Variants in TIMP3 observed in about 807,000 individuals in gnomAD.
The protein encoded by TIMP3 is TIMP metallopeptidase inhibitor 3, also known as metalloproteinase inhibitor 3.
Under a neutral mutation model 30.0 loss-of-function variants are expected in TIMP3, and 11 were observed. That is an observed-to-expected ratio of 0.37 (90% CI 0.23 to 0.61). The LOEUF is 0.61. TIMP3 is among the 20% of genes least tolerant of loss of function. The pLI, the probability that TIMP3 is intolerant of heterozygous loss-of-function variation, is 0.70. For synonymous variants in TIMP3, 112 were observed against 111.3 expected (o/e 1.01, Z -0.04); for missense variants, 181 against 276.8 (o/e 0.65, Z 2.45).
chr22:32,819,767 A>G (rs1254887449), intron 1 of TIMP3, among the ~76,000 whole-genome samples: 2 of 152,216 alleles, frequency 1.3e-5, no homozygotes, highest in Non-Finnish European at 2.9e-5. Context: ...ATTCTGAAAC[A>G]GCAAACTTGC....
intron 1 of TIMP3, among the ~76,000 whole-genome samples, chr22:32,807,355 A>AATATATAAAT (rs1555968073): frequency 5.0e-5 from 1 of 19,912 alleles, no homozygotes; most frequent in African/African-American, 1.5e-4. Flanking sequence ...ATAAATATAT[A>AATATATAAAT]ATATATAATA....
intron 1 of TIMP3, among the ~76,000 whole-genome samples, chr22:32,815,705 C>CT (rs989581502): frequency 2.1e-4 from 32 of 152,234 alleles, no homozygotes; most frequent in African/African-American, 7.7e-4. Context: ...CCTTGTCCTC[C>CT]TCATTCCACT....
chr22:32,832,276 C>T (rs1601485789), intron 1 of TIMP3, among the ~76,000 whole-genome samples: 2 of 151,602 alleles, frequency 1.3e-5, no homozygotes, highest in South Asian at 2.1e-4. Context: ...ACCACTACAA[C>T]GAAGAGAAAG....
chr22:32,829,995 G>C (rs1462719274), intron 1 of TIMP3, among the ~76,000 whole-genome samples: 1 of 152,190 alleles, frequency 6.6e-6, no homozygotes, highest in Non-Finnish European at 1.5e-5. Flanking sequence ...CACTTGGACT[G>C]ATACCAGTCA....
At chr22:32,812,790 C>T (rs528262043) in intron 1 of TIMP3, among the ~76,000 whole-genome samples, 1 of 152,316 alleles carries the variant, frequency 6.6e-6, no homozygotes, top group South Asian at 2.1e-4. Context: ...CAAACGTGTG[C>T]CCCATTGGGC....
At chr22:32,825,340 A>T (rs2047369969) in intron 1 of TIMP3, among the ~76,000 whole-genome samples, 1 of 152,160 alleles carries the variant, frequency 6.6e-6, no homozygotes, top group Non-Finnish European at 1.5e-5. Context: ...GATCCAGAGG[A>T]AATAATCAGG....
intron 1 of TIMP3, among the ~76,000 whole-genome samples, chr22:32,840,199 G>T (rs1436195348): frequency 6.6e-6 from 1 of 152,112 alleles, no homozygotes; most frequent in Non-Finnish European, 1.5e-5. Context: ...GTGTCTTTGG[G>T]TTTATTTTTA....
Position 32,849,548 on chromosome 22 carries a change from T to C in TIMP3, c.204+14T>C, listed in dbSNP as rs1186042794. 2.5e-5 allele frequency: 40 copies of C among 1,611,174 alleles called. No homozygotes were observed. The highest frequency in any genetic ancestry group is 3.4e-5 in the Non-Finnish European group (40 of 1,178,598). Reference sequence around the variant, plus strand: ...AAGCAGATGAAGGTAGGTAATGTCATCACCCTGGCTCCGGGAAGGTTTTTG... The same window carrying C: ...AAGCAGATGAAGGTAGGTAATGTCACCACCCTGGCTCCGGGAAGGTTTTTG... On this transcript the variant is annotated intron_variant, in intron 2 of 4. Coordinates refer to ENST00000266085, the MANE Select transcript of TIMP3 (RefSeq NM_000362.5).
chr22:32,850,604 A>G lies in TIMP3; in HGVS notation c.204+1070A>G, dbSNP rs567720250. Among the ~76,000 whole-genome samples, 5 of 152,286 alleles carry G rather than the reference A, an allele frequency of 3.3e-5. No individual in the cohort carries two copies. The South Asian group carries it at 1.0e-3, about 32-fold the overall frequency. On this transcript the variant is annotated intron_variant, in intron 2 of 4. Transcript: ENST00000266085. The stretch of plus-strand genomic sequence containing the variant: ...GTTTCCATCTTTAGGAACTAGAGTC[A>G]GGTTGGGAGAGAAGAGGCAGGTATG...
Position 32,859,447 on chromosome 22 carries a change from AGAT to A in TIMP3, c.*76_*78del, listed in dbSNP as rs1298214430. On this transcript the variant is annotated 3_prime_UTR_variant, in exon 5 of 5. Coordinates refer to ENST00000266085, the MANE Select transcript of TIMP3 (RefSeq NM_000362.5). ...CTTCCCTTGGACACTAACTCTTCCCAGATGATGACAATGAAATTAGTGCCTGTT... is the reference window on the plus strand; with the variant it reads ...CTTCCCTTGGACACTAACTCTTCCCAGATGACAATGAAATTAGTGCCTGTT... 3 of 1,527,840 alleles carry A rather than the reference AGAT, an allele frequency of 2.0e-6. No individual in the cohort carries two copies. Among genetic ancestry groups the A allele is most frequent in the Non-Finnish European group, 2.6e-6 (3 of 1,136,980 alleles). 94.6% of individuals were successfully genotyped at this position (1,527,840 alleles called of 1,614,324 possible). A position where few individuals can be genotyped will look rare whatever the true frequency, so the allele number is the denominator to read the frequency against.
intron 1 of TIMP3, among the ~76,000 whole-genome samples, chr22:32,814,181 A>AAAAG (rs148074968): frequency 2.6e-4 from 29 of 109,818 alleles, no homozygotes; most frequent in Non-Finnish European, 3.8e-4. Context: ...AGAAAGAAAG[A>AAAAG]AAAGAAAGAA....
At chr22:32,851,753 G>T (rs2048224129) in intron 2 of TIMP3, among the ~76,000 whole-genome samples, 1 of 152,014 alleles carries the variant, frequency 6.6e-6, no homozygotes, top group Admixed American at 6.6e-5. Context: ...AAATCTCCCT[G>T]CCATCTTAAT....
rs1425006581 is a variant in TIMP3 at position 32,814,234 on chromosome 22, AAAG to A, written c.121+12115_121+12117del. On this transcript the variant is annotated intron_variant, in intron 1 of 4. Transcript: ENST00000266085. ...ACAAAGAAAGGAAAGAAAGAAAAAA[AAAG>A]AAAGAAAGAAGGAAAGAAAGAAAGA... 8.9e-3 allele frequency among the ~76,000 whole-genome samples: 1,310 copies of A among 146,702 alleles called. 23 individuals are homozygous for A. The highest frequency in any genetic ancestry group is 0.03 in the African/African-American group (1,203 of 40,002).
intron 1 of TIMP3, among the ~76,000 whole-genome samples, chr22:32,848,830 CTCCCAATTGCTCCTTCTTCTAACCACA>C (rs1293080985): frequency 6.6e-6 from 1 of 152,182 alleles, no homozygotes; most frequent in Non-Finnish European, 1.5e-5. Flanking sequence ...TGAGCCCCGA[CTCCCAATTGCTCCTTCTTCTAACCACA>C]TCCCCATAGA....
intron 2 of TIMP3, among the ~76,000 whole-genome samples, chr22:32,854,790 G>T (rs921564061): frequency 1.3e-5 from 2 of 152,186 alleles, no homozygotes; most frequent in African/African-American, 4.8e-5. Context: ...CAGTTGGCAA[G>T]CCTTGGGGGA....
At chr22:32,840,224 T>G (rs561947467) in intron 1 of TIMP3, among the ~76,000 whole-genome samples, 2 of 152,304 alleles carry the variant, frequency 1.3e-5, no homozygotes, top group South Asian at 4.1e-4. Context: ...CAGGCATTCA[T>G]TTCTTGCCAA....
chr22:32,831,341 G>A (rs904179521), intron 1 of TIMP3, among the ~76,000 whole-genome samples: 1 of 152,204 alleles, frequency 6.6e-6, no homozygotes, highest in Non-Finnish European at 1.5e-5. Flanking sequence ...GAGAAGAGGT[G>A]AATTGTTTAA....
In TIMP3 at chr22:32,859,187, C is replaced by T; in HGVS notation, c.446C>T (p.Ser149Phe). 1.2e-6 allele frequency: 2 copies of T among 1,614,194 alleles called. No homozygotes were observed. The highest frequency in any genetic ancestry group is 1.7e-6 in the Non-Finnish European group (2 of 1,180,046). ...YHLGCNCKIK[S>F]CYYLPCFVTS... ...CCTGTTATCTAATTGCAGATCAAGT[C>T]CTGCTACTACCTGCCTTGCTTTGTG... Residue 149 changes from serine (S) to phenylalanine (F), a missense_variant, in exon 5 of 5, where the codon TCC becomes TTC. Coordinates refer to ENST00000266085, the MANE Select transcript of TIMP3 (RefSeq NM_000362.5).
chr22:32,814,751 A>G (rs998217399), intron 1 of TIMP3, among the ~76,000 whole-genome samples: 3 of 152,164 alleles, frequency 2.0e-5, no homozygotes, highest in Non-Finnish European at 4.4e-5. Flanking sequence ...TCCCTCTGAG[A>G]AGAGTTTCTT....
Sources: allele counts gnomAD v4.1 joint callset (sites outside exome capture counted in the v4.1 genomes callset), GRCh38; gene constraint gnomAD v4.1.1; transcripts MANE v1.5; gene names NCBI Gene and HGNC (gene_info 2026-07-23, HGNC 2026-07-21).